The following CHST5 variants were observed in gnomAD, a reference collection of about 807,000 sequenced individuals.
CHST5 encodes the protein carbohydrate sulfotransferase 5.
For synonymous variants in CHST5, 313 were observed against 279.2 expected (o/e 1.12, Z -1.21); for missense variants, 637 against 602.1 (o/e 1.06, Z -0.61).
At chr16:75,535,083 CGA>C (rs1171123278) in intron 2 of CHST5, 42 bp downstream of exon 2, 2 of 152,522 alleles carry the variant, frequency 1.3e-5, no homozygotes, top group East Asian at 3.9e-4. Flanking sequence ...CCAGCCCAAC[CGA>C]GTGTGGGGAC....
At chr16:75,532,131 C>G (rs2080528044) in intron 3 of CHST5, among the ~76,000 whole-genome samples, 1 of 152,176 alleles carries the variant, frequency 6.6e-6, no homozygotes, top group Non-Finnish European at 1.5e-5. Flanking sequence ...GTTACTGTCC[C>G]TGTGCTGAGC....
In CHST5 at chr16:75,531,056, C is replaced by T. The variant is rs1317840070; in HGVS notation, c.-672G>A. On this transcript the variant is annotated 5_prime_UTR_variant, in exon 4 of 4. Transcript: ENST00000336257. The stretch of plus-strand genomic sequence containing the variant: ...AACTTTTGTCAGCCAGGCGCGGTGG[C>T]TCACGCCTGTAATCCCAGCATTATG... The T allele has an allele frequency of 2.0e-6, 2 of 1,000,596 alleles. No individual in the cohort carries two copies. The highest frequency in any genetic ancestry group is 2.4e-6 in the Non-Finnish European group (2 of 830,664). The allele number at this position is 1,000,596 out of a possible 1,614,324, so 62.0% of individuals were successfully genotyped here.
In CHST5 at chr16:75,529,431, C is replaced by T. The variant is rs373714892; in HGVS notation, c.954G>A (p.Thr318=). ...ALYAFTGLTL[T]PQLEAWIHNI... is the part of the protein sequence containing the mutation. ...TGTGGATCCAGGCCTCGAGCTGTGG[C>T]GTGAGGGTCAGGCCGGTGAAGGCGT... Residue 318 remains threonine, a synonymous_variant, in exon 4 of 4, where the codon ACG becomes ACA. Transcript: ENST00000336257. The T allele has an allele frequency of 1.2e-6, 2 of 1,613,042 alleles. No individual in the cohort carries two copies. Among genetic ancestry groups the T allele is most frequent in the East Asian group, 2.2e-5 (1 of 44,884 alleles).
chr16:75,531,344 A>C lies in CHST5; in HGVS notation c.-960T>G, dbSNP rs2650399. The C allele has an allele frequency of 0.36, 361,735 of 1,002,578 alleles. 68,828 individuals are homozygous for C. The highest frequency in any genetic ancestry group is 0.94 in the East Asian group (8,021 of 8,512). 62.1% of individuals were successfully genotyped at this position (1,002,578 alleles called of 1,614,324 possible). On this transcript the variant is annotated 5_prime_UTR_variant, in exon 4 of 4. Transcript: ENST00000336257. ...TCAAAAAAAAAAAAAAAAACAACAA[A>C]AAAAAAACTTTTGTCATTAAAGATA...
At position 75,531,097 on chromosome 16, in the gene CHST5, C is replaced by T. The variant is rs1471467425; in HGVS notation, c.-713G>A. The T allele has an allele frequency of 1.0e-4, 100 of 959,154 alleles. No homozygotes were observed. The highest frequency in any genetic ancestry group is 1.2e-4 in the Non-Finnish European group (94 of 793,372). 59.4% of individuals were successfully genotyped at this position (959,154 alleles called of 1,614,324 possible). ...CAGCATTATGGGAGGCCGAGGCGGG[C>T]GGATCACGAGGTCAGGAGATCGAGA... On this transcript the variant is annotated 5_prime_UTR_variant, in exon 4 of 4. Coordinates refer to ENST00000336257, the MANE Select transcript of CHST5 (RefSeq NM_024533.5).
At position 75,529,122 on chromosome 16, in the gene CHST5, C is replaced by T. The variant is rs762782195; in HGVS notation, c.*27G>A. ...CCTCCTGGGCCTGGCGACCACAGTT[C>T]GGGGCCTGCTCTAAGGCCCAGAGTT... On this transcript the variant is annotated 3_prime_UTR_variant, in exon 4 of 4. Coordinates refer to ENST00000336257, the MANE Select transcript of CHST5 (RefSeq NM_024533.5). The T allele has an allele frequency of 9.1e-6, 14 of 1,533,042 alleles. No individual in the cohort carries two copies. In the East Asian group the frequency reaches 2.9e-4, roughly 32 times the overall value. 95.0% of individuals were successfully genotyped at this position (1,533,042 alleles called of 1,614,324 possible).
intron 3 of CHST5, among the ~76,000 whole-genome samples, chr16:75,531,911 C>A (rs16975622): frequency 6.6e-6 from 1 of 152,090 alleles, no homozygotes; most frequent in Non-Finnish European, 1.5e-5. Flanking sequence ...TGGATGGAAG[C>A]GAGAGAGCTG....
In CHST5 at chr16:75,529,860, G is replaced by C. The variant is rs1211799713; in HGVS notation, c.525C>G (p.Cys175Trp). Residue 175 changes from cysteine (C) to tryptophan (W), a missense_variant, in exon 4 of 4, where the codon TGC (cysteine) becomes TGG (tryptophan). Physicochemically the swap from Cys to Trp is radical, Grantham distance 215. Coordinates refer to ENST00000336257, the MANE Select transcript of CHST5 (RefSeq NM_024533.5). ...ISKQDVCKTL[C>W]TRQPFSLARE... ...GGGCCAGGCTGAATGGCTGCCGCGT[G>C]CACAGTGTCTTGCATACGTCCTGCT... The C allele has an allele frequency of 1.2e-6, 2 of 1,613,462 alleles. No homozygotes were observed. The highest frequency in any genetic ancestry group is 1.7e-5 in the Admixed American group (1 of 60,008).
Position 75,530,183 on chromosome 16 carries a change from G to T in CHST5, c.202C>A (p.Leu68Met). 2 of 1,613,666 alleles carry T rather than the reference G, an allele frequency of 1.2e-6. No individual in the cohort carries two copies. Among genetic ancestry groups the T allele is most frequent in the Non-Finnish European group, 1.7e-6 (2 of 1,179,988 alleles). Reference sequence around the variant, plus strand: ...GATGAGCCCGAGCGCCACGAGGACAGCACCAGCACGTGCACACGATCCTCG... The same window carrying T: ...GATGAGCCCGAGCGCCACGAGGACATCACCAGCACGTGCACACGATCCTCG... ...GGEDRVHVLV[L>M]SSWRSGSSFL... The change falls in exon 4 of 4, where the codon CTG (leucine) becomes ATG (methionine). Residue 68 changes from leucine (L) to methionine (M), a missense_variant. Leu to Met is a conservative substitution (Grantham distance 15). Coordinates refer to ENST00000336257, the MANE Select transcript of CHST5 (RefSeq NM_024533.5).
rs543645677 is a variant in CHST5, at chr16:75,530,936, G to A, written c.-552C>T. On this transcript the variant is annotated 5_prime_UTR_variant, in exon 4 of 4. Transcript: ENST00000336257. The stretch of plus-strand genomic sequence containing the variant: ...TGGGGGGTTATTATAATGAAGATGG[G>A]GGAAGGGAACACGCAGTCATGCCCA... 6 of 1,003,262 alleles carry A rather than the reference G, an allele frequency of 6.0e-6. No homozygotes were observed. Among genetic ancestry groups the A allele is most frequent in the African/African-American group, 3.5e-5 (2 of 57,222 alleles). 62.1% of individuals were successfully genotyped at this position (1,003,262 alleles called of 1,614,324 possible). A position where few individuals can be genotyped will look rare whatever the true frequency, so the allele number is the denominator to read the frequency against.
chr16:75,534,481 T>TA (rs974319525), intron 2 of CHST5, among the ~76,000 whole-genome samples: 1 of 151,972 alleles, frequency 6.6e-6, no homozygotes, highest in African/African-American at 2.4e-5. Flanking sequence ...CCGTCTCTAG[T>TA]AAAAATACAA....
At chr16:75,531,683 G>A in intron 3 of CHST5, 43 bp from the exon 4 acceptor site, 1 of 1,277,898 alleles carries the variant, frequency 7.8e-7, no homozygotes, top group Non-Finnish European at 1.0e-6. Flanking sequence ...CCTACAGAGA[G>A]ACAGCCCTGT....
intron 1 of CHST5, among the ~76,000 whole-genome samples, chr16:75,535,731 CT>C (rs1394968765): frequency 6.6e-6 from 1 of 152,176 alleles, no homozygotes; most frequent in East Asian, 1.9e-4. Flanking sequence ...GGGAGGGGCG[CT>C]GGCCGAGGGC....
rs954580394 is a variant in CHST5, at chr16:75,530,844, C to T, written c.-460G>A. Reference sequence around the variant, plus strand: ...GAAGATCACTTAAATCTCTCTGTGACGGATCACTTTACCCGTGTGTGAAAG... The same window carrying T: ...GAAGATCACTTAAATCTCTCTGTGATGGATCACTTTACCCGTGTGTGAAAG... On this transcript the variant is annotated 5_prime_UTR_variant, in exon 4 of 4. Coordinates refer to ENST00000336257, the MANE Select transcript of CHST5 (RefSeq NM_024533.5). The T allele has an allele frequency of 9.0e-6, 9 of 998,358 alleles. No homozygotes were observed. Among genetic ancestry groups the T allele is most frequent in the African/African-American group, 7.0e-5 (4 of 56,810 alleles). The allele number at this position is 998,358 out of a possible 1,614,324, so 61.8% of individuals were successfully genotyped here.
At chr16:75,534,038 CAAA>C (rs35062691) in intron 2 of CHST5, among the ~76,000 whole-genome samples, 10,483 of 81,260 alleles carry the variant, frequency 0.13, 600 homozygotes, top group African/African-American at 0.2. Flanking sequence ...AACTCCATAT[CAAA>C]AAAAAAAAAA....
In CHST5 at chr16:75,529,483, T is replaced by G; in HGVS notation, c.902A>C (p.Glu301Ala). ...GAGTGCGCGGATCTCTGCCAGCGGC[T>G]CCCGCGCCAGGTCCTCGAAGCGCAC... is the stretch of plus-strand genomic sequence containing the variant. Reference protein sequence around the residue: ...RLVRFEDLAREPLAEIRALYA... With the variant: ...RLVRFEDLARAPLAEIRALYA... Residue 301 changes from glutamate (E) to alanine (A), a missense_variant, in exon 4 of 4, where the codon GAG becomes GCG. Glu to Ala is a moderately radical substitution (Grantham distance 107, BLOSUM62 -1). Transcript: ENST00000336257. 1 of 1,612,022 alleles carries G rather than the reference T, an allele frequency of 6.2e-7. No individual in the cohort carries two copies. Among genetic ancestry groups the G allele is most frequent in the South Asian group, 1.1e-5 (1 of 91,062 alleles).
In CHST5 at chr16:75,529,941, G is replaced by A. The variant is rs1393584674; in HGVS notation, c.444C>T (p.Ser148=). The part of the protein sequence containing the change: ...NLSAFFNWAT[S]RALCSPPACS... Reference sequence around the variant, plus strand: ...AGGCGGGCGGCGAGCACAGCGCGCGGCTCGTTGCCCAGTTGAAAAAGGCGG... The same window carrying A: ...AGGCGGGCGGCGAGCACAGCGCGCGACTCGTTGCCCAGTTGAAAAAGGCGG... Residue 148 remains serine, a synonymous_variant, in exon 4 of 4, where the codon AGC becomes AGT. Coordinates refer to ENST00000336257, the MANE Select transcript of CHST5 (RefSeq NM_024533.5). 3 of 1,613,286 alleles carry A rather than the reference G, an allele frequency of 1.9e-6. No homozygotes were observed. Among genetic ancestry groups the A allele is most frequent in the Non-Finnish European group, 2.5e-6 (3 of 1,179,938 alleles).
Position 75,535,231 on chromosome 16 carries a change from C to G in CHST5, c.-1456G>C, listed in dbSNP as rs912852592. On this transcript the variant is annotated 5_prime_UTR_variant, in exon 2 of 4. Transcript: ENST00000336257. ...AGACGTCGTCTCTTCCAAGTTCCAC[C>G]GCACAGCCAGCTCTTTCTCTTCACT... 6.6e-6 allele frequency: 1 copy of G among 152,444 alleles called. No individual in the cohort carries two copies. Among genetic ancestry groups the G allele is most frequent in the Non-Finnish European group, 1.5e-5 (1 of 68,224 alleles). 9.4% of individuals were successfully genotyped at this position (152,444 alleles called of 1,614,324 possible).
chr16:75,529,487 G>T lies in CHST5; in HGVS notation c.898C>A (p.Arg300=). 6.2e-7 allele frequency: 1 copy of T among 1,611,812 alleles called. No homozygotes were observed. Among genetic ancestry groups the T allele is most frequent in the Non-Finnish European group, 8.5e-7 (1 of 1,179,780 alleles). The part of the protein sequence containing the change: ...YRLVRFEDLA[R]EPLAEIRALY... ...GCGCGGATCTCTGCCAGCGGCTCCC[G>T]CGCCAGGTCCTCGAAGCGCACCAGG... Residue 300 remains arginine, a synonymous_variant, in exon 4 of 4, where the codon CGG becomes AGG. Coordinates refer to ENST00000336257, the MANE Select transcript of CHST5 (RefSeq NM_024533.5).
Sources: gnomAD v4.1 joint callset for allele counts (sites outside exome capture counted in the v4.1 genomes callset) on GRCh38, gnomAD v4.1.1 for gene constraint, MANE v1.5 for transcripts, NCBI Gene and HGNC (gene_info 2026-07-23, HGNC 2026-07-21) for gene names.